The following KCNH8 variants were observed in gnomAD, a reference collection of about 807,000 sequenced individuals.
KCNH8 encodes the protein potassium voltage-gated channel subfamily H member 8.
Under a neutral mutation model 103.6 loss-of-function variants are expected in KCNH8, and 70 were observed. That is an observed-to-expected ratio of 0.68 (90% CI 0.56 to 0.82). The LOEUF is 0.82. Ranked by LOEUF, KCNH8 falls within the 40% of genes least tolerant of loss-of-function variation. The pLI is 0.00. For missense variants in KCNH8, 1,217 were observed against 1,329.9 expected, an observed-to-expected ratio of 0.92 and a Z score of 1.32; for synonymous variants, 498 against 489.4, an observed-to-expected ratio of 1.02 and a Z score of -0.23.
intron 1 of KCNH8, among the ~76,000 whole-genome samples, chr3:19,234,446 G>A (rs932590930): frequency 2.6e-5 from 4 of 152,224 alleles, no homozygotes; most frequent in African/African-American, 9.6e-5. Context: ...GCCAGCTAAG[G>A]CCCTGCGAGA....
chr3:19,294,308 T>G (rs2064967547), intron 3 of KCNH8, among the ~76,000 whole-genome samples: 1 of 152,222 alleles, frequency 6.6e-6, no homozygotes, highest in African/African-American at 2.4e-5. Flanking sequence ...CTACGGTGAT[T>G]GATATGTACT....
At chr3:19,467,155 A>G (rs2067755733) in intron 11 of KCNH8, among the ~76,000 whole-genome samples, 1 of 152,218 alleles carries the variant, frequency 6.6e-6, no homozygotes, top group African/African-American at 2.4e-5. Flanking sequence ...GTATGCCTGT[A>G]TCATAACTCA....
intron 7 of KCNH8, among the ~76,000 whole-genome samples, chr3:19,414,073 T>G (rs1261529349): frequency 6.6e-6 from 1 of 152,086 alleles, no homozygotes; most frequent in Non-Finnish European, 1.5e-5. Flanking sequence ...ATACTCACAC[T>G]CTGCCCTCTG....
At chr3:19,504,719 T>A (rs2068657369) in intron 11 of KCNH8, among the ~76,000 whole-genome samples, 1 of 152,118 alleles carries the variant, frequency 6.6e-6, no homozygotes, top group East Asian at 1.9e-4. Flanking sequence ...AAGAATGCAC[T>A]GTTGGTGGGA....
chr3:19,297,336 A>G (rs2065009520), intron 3 of KCNH8, among the ~76,000 whole-genome samples: 1 of 152,212 alleles, frequency 6.6e-6, no homozygotes, highest in Non-Finnish European at 1.5e-5. Context: ...TAAAGCCCAA[A>G]TGGTACTACA....
At chr3:19,398,039 T>C (rs997896875) in intron 7 of KCNH8, among the ~76,000 whole-genome samples, 2 of 151,980 alleles carry the variant, frequency 1.3e-5, no homozygotes, top group Admixed American at 6.6e-5. Flanking sequence ...CATACAAATA[T>C]TTGATGAGAG....
chr3:19,323,541 G>A (rs938588458), intron 3 of KCNH8, among the ~76,000 whole-genome samples: 3 of 152,130 alleles, frequency 2.0e-5, no homozygotes, highest in Non-Finnish European at 4.4e-5. Context: ...ATTCATTGCT[G>A]GTGAGCTAGT....
intron 8 of KCNH8, among the ~76,000 whole-genome samples, chr3:19,439,743 A>C (rs367594922): frequency 8.5e-5 from 13 of 152,344 alleles, no homozygotes; most frequent in East Asian, 3.9e-4. Flanking sequence ...GAAAAGATAT[A>C]ATAACAGAGG....
intron 7 of KCNH8, among the ~76,000 whole-genome samples, chr3:19,433,308 G>A (rs142296888): frequency 3.8e-4 from 58 of 152,226 alleles, no homozygotes; most frequent in African/African-American, 1.4e-3. Flanking sequence ...ATGAGAATGT[G>A]AAAATCTGCC....
chr3:19,249,053 A>G (rs1440152859), intron 1 of KCNH8, among the ~76,000 whole-genome samples: 1 of 152,212 alleles, frequency 6.6e-6, no homozygotes, highest in Admixed American at 6.5e-5. Flanking sequence ...TATAAAAATT[A>G]CCTAGAAACA....
chr3:19,471,803 T>C (rs1348424787), intron 11 of KCNH8, among the ~76,000 whole-genome samples: 2 of 152,222 alleles, frequency 1.3e-5, no homozygotes, highest in Non-Finnish European at 2.9e-5. Context: ...AACAAAGTTA[T>C]TGATTCATGG....
intron 3 of KCNH8, among the ~76,000 whole-genome samples, chr3:19,293,173 A>G (rs1452226408): frequency 6.6e-6 from 1 of 152,156 alleles, no homozygotes; most frequent in African/African-American, 2.4e-5. Context: ...TGAACTGCCC[A>G]ATGCCTCGGT....
rs745683327 is a variant in KCNH8, at chr3:19,253,708, A to G, written c.131A>G (p.Tyr44Cys). ...GTGGCTAAGGGTTTCCCCATAGTCT[A>G]CTGTTCCGATGGCTTCTGCGAGCTT... Reference protein sequence around the residue: ...AQVAKGFPIVYCSDGFCELAG... With the variant: ...AQVAKGFPIVCCSDGFCELAG... The change falls in exon 2 of 16, where the codon TAC becomes TGC. Residue 44 changes from tyrosine (Y) to cysteine (C), a missense_variant. This residue lies in a region of KCNH8 where 244 missense variants were observed against 256.8 expected (regional missense o/e 0.95). Transcript: ENST00000328405. 2 of 1,613,586 alleles carry G rather than the reference A, an allele frequency of 1.2e-6. No homozygotes were observed. The highest frequency in any genetic ancestry group is 2.7e-5 in the African/African-American group (2 of 74,794).
chr3:19,514,023 A>T (rs1185647539), intron 13 of KCNH8, among the ~76,000 whole-genome samples: 1 of 152,128 alleles, frequency 6.6e-6, no homozygotes, highest in East Asian at 1.9e-4. Flanking sequence ...TTTATGTTTC[A>T]TGTATTTTGC....
chr3:19,268,376 A>G (rs898639955), intron 2 of KCNH8, among the ~76,000 whole-genome samples: 2 of 152,116 alleles, frequency 1.3e-5, no homozygotes, highest in African/African-American at 4.8e-5. Flanking sequence ...TTCTAGTCAA[A>G]GAGAGCCACG....
At position 19,448,195 on chromosome 3, in the gene KCNH8, CTA is replaced by C. The variant is rs201988485; in HGVS notation, c.1376-1909_1376-1908del. Among the ~76,000 whole-genome samples the C allele has an allele frequency of 3.3e-3, 504 of 151,904 alleles. 9 individuals carry two copies. Among genetic ancestry groups the C allele is most frequent in the Admixed American group, 0.026 (396 of 15,202 alleles). On this transcript the variant is annotated intron_variant, in intron 8 of 15. Coordinates refer to ENST00000328405, the MANE Select transcript of KCNH8 (RefSeq NM_144633.3). ...TTTGTCTTTAAATCTTGAAATAGCC[CTA>C]TGAGTAAGGGCTATTTAACATAATG...
chr3:19,451,006 A>G, intron 9 of KCNH8, 149 bp from the exon 10 acceptor site: 1 of 721,746 alleles, frequency 1.4e-6, no homozygotes. Flanking sequence ...AAATCTCTCC[A>G]GGATTATACA....
chr3:19,379,632 C>G (rs576086472), intron 5 of KCNH8, among the ~76,000 whole-genome samples: 1 of 149,108 alleles, frequency 6.7e-6, no homozygotes, highest in African/African-American at 2.5e-5. Context: ...GAGCAACACT[C>G]TGTCTCAAAA....
intron 1 of KCNH8, among the ~76,000 whole-genome samples, chr3:19,223,216 T>G (rs1296576308): frequency 1.3e-5 from 2 of 152,158 alleles, no homozygotes; most frequent in Non-Finnish European, 2.9e-5. Context: ...AATCTGGGCA[T>G]TAGAACAGAG....
Sources: gnomAD v4.1 joint callset for allele counts (sites outside exome capture counted in the v4.1 genomes callset) on GRCh38, gnomAD v4.1.1 for gene constraint, gnomAD v4.1.1 regional missense constraint, MANE v1.5 for transcripts, NCBI Gene and HGNC (gene_info 2026-07-23, HGNC 2026-07-21) for gene names.